The following CFAP299 variants were observed in gnomAD, a reference collection of about 807,000 sequenced individuals.
The protein encoded by CFAP299 is cilia and flagella associated protein 299, also known as cilia- and flagella-associated protein 299.
In CFAP299, 21 loss-of-function variants were observed where a neutral mutation model predicts 27.0. The ratio of observed to expected loss-of-function variants is 0.78; its 90% confidence interval spans 0.55 to 1.12. The LOEUF (loss-of-function observed/expected upper bound fraction) is 1.12. CFAP299 is among the 50% of genes most tolerant of loss of function. CFAP299 has a pLI of 0.00. For missense variants in CFAP299, 310 were observed against 276.6 expected, an observed-to-expected ratio of 1.12 and a Z score of -0.86; for synonymous variants, 104 against 98.1, an observed-to-expected ratio of 1.06 and a Z score of -0.36.
At chr4:80,870,557 C>G in intron 4 of CFAP299, 7 of 988,150 alleles carry the variant, frequency 7.1e-6, no homozygotes, top group Non-Finnish European at 8.4e-6. Context: ...CATCTCTGTC[C>G]TATTCTGGGA....
intron 3 of CFAP299, among the ~76,000 whole-genome samples, chr4:80,785,785 A>G (rs529835779): frequency 7.8e-4 from 118 of 152,224 alleles, no homozygotes; most frequent in African/African-American, 2.7e-3. Flanking sequence ...TTTTTTCCCA[A>G]TGGTTACTGA....
At chr4:80,549,361 A>G (rs2110207829) in intron 2 of CFAP299, among the ~76,000 whole-genome samples, 1 of 152,276 alleles carries the variant, frequency 6.6e-6, no homozygotes, top group South Asian at 2.1e-4. Context: ...ATAGATGGAA[A>G]CTTAGGACTT....
intron 3 of CFAP299, among the ~76,000 whole-genome samples, chr4:80,859,219 A>G (rs1227136064): frequency 2.0e-5 from 3 of 152,030 alleles, no homozygotes; most frequent in African/African-American, 4.8e-5. Flanking sequence ...TTTATCAGAG[A>G]CTAGGATTGC....
chr4:80,480,372 G>T (rs1730501892), intron 2 of CFAP299, among the ~76,000 whole-genome samples: 1 of 151,968 alleles, frequency 6.6e-6, no homozygotes, highest in South Asian at 2.1e-4. Flanking sequence ...CAAAGAGGGG[G>T]CTTTTATAGG....
chr4:80,500,109 C>T (rs927165094), intron 2 of CFAP299, among the ~76,000 whole-genome samples: 1 of 152,052 alleles, frequency 6.6e-6, no homozygotes, highest in Non-Finnish European at 1.5e-5. Flanking sequence ...ATTGAACTCC[C>T]ATCTCAAGTG....
Position 80,583,154 on chromosome 4 carries a change from G to A in CFAP299, c.304G>A (p.Glu102Lys). Residue 102 changes from glutamate to lysine, a missense_variant, in exon 3 of 6, where the codon GAA (glutamate) becomes AAA (lysine). Transcript: ENST00000358105. ...DNFLTALAMREEDNRSGKLSS... is the reference protein window; with the variant it reads ...DNFLTALAMRKEDNRSGKLSS... Reference sequence around the variant, plus strand: ...TTTTCTGACGGCCCTGGCAATGAGAGAAGAAGACAATCGCAGTGGAAAACT... The same window carrying A: ...TTTTCTGACGGCCCTGGCAATGAGAAAAGAAGACAATCGCAGTGGAAAACT... 1 of 1,605,694 alleles carries A rather than the reference G, an allele frequency of 6.2e-7. No homozygotes were observed.
intron 3 of CFAP299, among the ~76,000 whole-genome samples, chr4:80,670,453 G>A (rs948051667): frequency 2.0e-5 from 3 of 152,168 alleles, no homozygotes; most frequent in African/African-American, 7.2e-5. Flanking sequence ...AAACATACGT[G>A]TGCATGTGTC....
intron 3 of CFAP299, among the ~76,000 whole-genome samples, chr4:80,623,914 G>C (rs568850392): frequency 6.6e-6 from 1 of 152,140 alleles, no homozygotes; most frequent in South Asian, 2.1e-4. Flanking sequence ...CTTGTGGCAG[G>C]CAGTTCTCAG....
At chr4:80,390,896 C>CAT (rs70944776) in intron 2 of CFAP299, among the ~76,000 whole-genome samples, 86,522 of 115,954 alleles carry the variant, frequency 0.75, 33,829 homozygotes, top group Admixed American at 0.82. Context: ...TATATACACA[C>CAT]ATATGCATAT....
chr4:80,659,647 A>G (rs1294518524), intron 3 of CFAP299, among the ~76,000 whole-genome samples: 2 of 152,084 alleles, frequency 1.3e-5, no homozygotes, highest in Non-Finnish European at 2.9e-5. Flanking sequence ...TGTGTTGTTG[A>G]GGATGAGGGT....
At chr4:80,390,776 T>TACATATATAC (rs1725380920) in intron 2 of CFAP299, among the ~76,000 whole-genome samples, 1 of 124,262 alleles carries the variant, frequency 8.0e-6, no homozygotes, top group African/African-American at 2.9e-5. Context: ...TATGTATATA[T>TACATATATAC]ACATATACAC....
intron 3 of CFAP299, among the ~76,000 whole-genome samples, chr4:80,791,719 A>C (rs1727579809): frequency 6.6e-6 from 1 of 151,998 alleles, no homozygotes; most frequent in East Asian, 1.9e-4. Context: ...AAGAGCAATG[A>C]GTGAAGATTT....
At chr4:80,759,354 C>T (rs1271892155) in intron 3 of CFAP299, among the ~76,000 whole-genome samples, 1 of 152,200 alleles carries the variant, frequency 6.6e-6, no homozygotes, top group Non-Finnish European at 1.5e-5. Flanking sequence ...GGAAACACGA[C>T]TGAAAGTGGT....
At chr4:80,573,744 C>A (rs1041374768) in intron 2 of CFAP299, among the ~76,000 whole-genome samples, 3 of 151,938 alleles carry the variant, frequency 2.0e-5, no homozygotes, top group Admixed American at 6.6e-5. Context: ...ATTCTTTGCA[C>A]CTTTATAAAA....
intron 5 of CFAP299, among the ~76,000 whole-genome samples, chr4:80,957,771 C>T (rs182605943): frequency 5.9e-5 from 9 of 152,150 alleles, no homozygotes; most frequent in Non-Finnish European, 1.2e-4. Flanking sequence ...ATTTTTTGCC[C>T]ATTTCAAAGT....
chr4:80,921,264 T>C (rs1453022039), intron 4 of CFAP299, among the ~76,000 whole-genome samples: 1 of 152,156 alleles, frequency 6.6e-6, no homozygotes, highest in Non-Finnish European at 1.5e-5. Context: ...CTCATTGTTT[T>C]GGAGAAAGCC....
the CFAP299 span, among the ~76,000 whole-genome samples, chr4:80,322,560 A>C: frequency 1.9e-4 from 29 of 152,186 alleles, no homozygotes; most frequent in Admixed American, 3.9e-4. Flanking sequence ...AGTCAAGGGG[A>C]TATAAACAGA....
chr4:80,814,833 A>T (rs1233083702), intron 3 of CFAP299, among the ~76,000 whole-genome samples: 3 of 152,034 alleles, frequency 2.0e-5, no homozygotes, highest in Admixed American at 6.6e-5. Flanking sequence ...AACAAAGGAA[A>T]AAAAGAATTA....
At chr4:80,724,881 T>TTTTCTTTCTTTC (rs368826847) in intron 3 of CFAP299, among the ~76,000 whole-genome samples, 105 of 149,200 alleles carry the variant, frequency 7.0e-4, no homozygotes, top group Admixed American at 1.3e-3. Context: ...TTTCCTTTCT[T>TTTTCTTTCTTTC]TTTCTTTCTT....
Sources: gnomAD v4.1 joint callset for allele counts (sites outside exome capture counted in the v4.1 genomes callset) on GRCh38, gnomAD v4.1.1 for gene constraint, MANE v1.5 for transcripts, NCBI Gene and HGNC (gene_info 2026-07-23, HGNC 2026-07-21) for gene names.